Variants in SWAP70 observed in about 807,000 individuals in gnomAD.
SWAP70 encodes the protein switch-associated protein 70.
In SWAP70, 34 loss-of-function variants were observed where a neutral mutation model predicts 80.2. That is an observed-to-expected ratio of 0.42 (90% CI 0.32 to 0.56). The LOEUF is 0.56. SWAP70 is among the 20% of genes least tolerant of loss of function. The probability of loss-of-function intolerance (pLI) is 0.09; values close to 1 mark genes in which losing one functional copy is unlikely to be tolerated. For synonymous variants in SWAP70, 239 were observed against 238.5 expected (o/e 1.00, Z -0.02); for missense variants, 578 against 690.7 (o/e 0.84, Z 1.83).
chr11:9,698,531 A>G (rs1850790957), intron 2 of SWAP70, among the ~76,000 whole-genome samples: 1 of 151,778 alleles, frequency 6.6e-6, no homozygotes, highest in Admixed American at 6.6e-5. Context: ...CAGCCTCTTG[A>G]GTAGCTGTGA....
At chr11:9,681,909 A>C (rs1850572478) in intron 1 of SWAP70, among the ~76,000 whole-genome samples, 1 of 152,220 alleles carries the variant, frequency 6.6e-6, no homozygotes, top group Admixed American at 6.5e-5. Flanking sequence ...GAGGAACATG[A>C]AAAGTGTTGA....
At chr11:9,732,745 C>G in intron 7 of SWAP70, 35 bp downstream of exon 7, 1 of 1,511,568 alleles carries the variant, frequency 6.6e-7, no homozygotes, top group Non-Finnish European at 8.8e-7. Flanking sequence ...GAGGGCCCTT[C>G]ATTCCCCTGC....
intron 2 of SWAP70, among the ~76,000 whole-genome samples, chr11:9,696,890 G>A (rs1048408634): frequency 6.6e-6 from 1 of 151,880 alleles, no homozygotes; most frequent in Non-Finnish European, 1.5e-5. Context: ...TTCAAAAAAT[G>A]ATAATGATAA....
rs974247894 is a variant in SWAP70, at chr11:9,664,137, C to T, written c.-43C>T. 1 of 1,522,436 alleles carries T rather than the reference C, an allele frequency of 6.6e-7. No individual in the cohort carries two copies. The highest frequency in any genetic ancestry group is 2.1e-4 in the Middle Eastern group (1 of 4,718). 94.3% of individuals were successfully genotyped at this position (1,522,436 alleles called of 1,614,324 possible). A position where few individuals can be genotyped will look rare whatever the true frequency, so the allele number is the denominator to read the frequency against. On this transcript the variant is annotated 5_prime_UTR_variant, in exon 1 of 12. Transcript: ENST00000318950. ...GAGGGGCGTCCGAGGCGCGGAGGGG[C>T]TGGCTGGGCAGGAGGGGTTGGCGGG...
At chr11:9,671,709 TAG>T (rs1485496519) in intron 1 of SWAP70, among the ~76,000 whole-genome samples, 2 of 109,026 alleles carry the variant, frequency 1.8e-5, no homozygotes, top group African/African-American at 7.2e-5. Flanking sequence ...TATGTATACA[TAG>T]AAATATATAA....
At chr11:9,688,655 C>A (rs539356946) in intron 1 of SWAP70, among the ~76,000 whole-genome samples, 3 of 151,940 alleles carry the variant, frequency 2.0e-5, no homozygotes, top group Admixed American at 2.0e-4. Context: ...AGGGGGATAA[C>A]GTGATGTTAG....
At chr11:9,710,767 C>T (rs1330832584) in intron 2 of SWAP70, among the ~76,000 whole-genome samples, 1 of 151,412 alleles carries the variant, frequency 6.6e-6, no homozygotes, top group Non-Finnish European at 1.5e-5. Context: ...GCAGCCTTGA[C>T]CACCTGGGTA....
At chr11:9,706,998 G>A (rs1590028973) in intron 2 of SWAP70, among the ~76,000 whole-genome samples, 1 of 150,466 alleles carries the variant, frequency 6.6e-6, no homozygotes, top group Non-Finnish European at 1.5e-5. Context: ...CTTATTCTTA[G>A]AACCTTGAAA....
intron 3 of SWAP70, among the ~76,000 whole-genome samples, chr11:9,719,185 A>G (rs536398626): frequency 1.6e-4 from 23 of 147,952 alleles, no homozygotes; most frequent in Non-Finnish European, 2.2e-4. Flanking sequence ...CAGGCTGATC[A>G]CTTGAGCTCA....
intron 2 of SWAP70, among the ~76,000 whole-genome samples, chr11:9,704,895 A>T (rs1385620883): frequency 1.3e-5 from 2 of 152,262 alleles, no homozygotes; most frequent in African/African-American, 4.8e-5. Flanking sequence ...AGGATCTAGA[A>T]TAAGAGTCTT....
At chr11:9,709,321 A>G (rs1850964377) in intron 2 of SWAP70, among the ~76,000 whole-genome samples, 1 of 152,058 alleles carries the variant, frequency 6.6e-6, no homozygotes, top group African/African-American at 2.4e-5. Flanking sequence ...TAGAAATAAG[A>G]TGTCGCTATA....
chr11:9,718,603 CAG>C (rs991086917), intron 3 of SWAP70, among the ~76,000 whole-genome samples: 4 of 152,082 alleles, frequency 2.6e-5, no homozygotes, highest in Admixed American at 6.5e-5. Context: ...AATGTGAAAA[CAG>C]ATATATTTAA....
chr11:9,751,832 G>A lies in SWAP70; in HGVS notation c.*1862G>A, dbSNP rs1281377773. ...GTAACTTTAACGGTTTCTTATAGTTGCCTTTATAAAGTGTATTGTCTAAAA... is the reference window on the plus strand; with the variant it reads ...GTAACTTTAACGGTTTCTTATAGTTACCTTTATAAAGTGTATTGTCTAAAA... On this transcript the variant is annotated 3_prime_UTR_variant, in exon 12 of 12. Coordinates refer to ENST00000318950, the MANE Select transcript of SWAP70 (RefSeq NM_015055.4). The A allele has an allele frequency of 6.6e-6, 1 of 152,058 alleles. No homozygotes were observed. The highest frequency in any genetic ancestry group is 1.5e-5 in the Non-Finnish European group (1 of 67,992). 9.4% of individuals were successfully genotyped at this position (152,058 alleles called of 1,614,324 possible).
chr11:9,693,926 G>T (rs763132051), intron 1 of SWAP70, among the ~76,000 whole-genome samples: 13 of 152,126 alleles, frequency 8.5e-5, no homozygotes, highest in Non-Finnish European at 1.6e-4. Flanking sequence ...TAGTAGGCAT[G>T]TAATAGAGAC....
intron 1 of SWAP70, among the ~76,000 whole-genome samples, chr11:9,677,943 T>C (rs1850521423): frequency 6.6e-6 from 1 of 152,224 alleles, no homozygotes; most frequent in South Asian, 2.1e-4. Flanking sequence ...TTACGAATCA[T>C]ACCATGTTTT....
At chr11:9,743,103 A>C (rs1249437106) in intron 9 of SWAP70, among the ~76,000 whole-genome samples, 2 of 132,292 alleles carry the variant, frequency 1.5e-5, no homozygotes, top group African/African-American at 5.7e-5. Context: ...CCTGTGTCCA[A>C]GTGTTCTCAT....
At chr11:9,715,968 G>T (rs1218269923) in intron 3 of SWAP70, among the ~76,000 whole-genome samples, 3 of 152,230 alleles carry the variant, frequency 2.0e-5, no homozygotes, top group Non-Finnish European at 4.4e-5. Flanking sequence ...TGCACTAGCT[G>T]CAACGGAGTC....
intron 1 of SWAP70, among the ~76,000 whole-genome samples, chr11:9,671,983 CTA>C (rs1278554642): frequency 1.9e-5 from 2 of 102,934 alleles, no homozygotes; most frequent in East Asian, 5.5e-4. Flanking sequence ...ATATATTTTT[CTA>C]TATTTTATAT....
At chr11:9,694,412 A>G in intron 2 of SWAP70, 126 bp downstream of exon 2, 1 of 1,117,162 alleles carries the variant, frequency 9.0e-7, no homozygotes, top group Middle Eastern at 3.1e-4. Flanking sequence ...ATAAACCAGA[A>G]AGGAAGAAAG....
Sources: allele counts gnomAD v4.1 joint callset (sites outside exome capture counted in the v4.1 genomes callset), GRCh38; gene constraint gnomAD v4.1.1; transcripts MANE v1.5; gene names NCBI Gene and HGNC (gene_info 2026-07-23, HGNC 2026-07-21).